The following MIA2 variants were observed in gnomAD, a reference collection of about 807,000 sequenced individuals.
The protein encoded by MIA2 is MIA SH3 domain ER export factor 2.
Under a neutral mutation model 167.8 loss-of-function variants are expected in MIA2, and 127 were observed. The observed-to-expected ratio is 0.76, with a 90% CI of 0.66 to 0.88. MIA2 has a LOEUF of 0.88. Among genes scored for constraint, MIA2 ranks in the 40% least tolerant of loss-of-function variants. The pLI is 0.00. For synonymous variants in MIA2, 552 were observed against 541.9 expected, an observed-to-expected ratio of 1.02 and a Z score of -0.26; for missense variants, 1,690 against 1,624.7, an observed-to-expected ratio of 1.04 and a Z score of -0.69.
Position 39,234,048 on chromosome 14 carries a change from C to G in MIA2, c.-67C>G. The G allele has an allele frequency of 5.2e-6, 5 of 958,402 alleles. No individual in the cohort carries two copies. The highest frequency in any genetic ancestry group is 7.9e-6 in the Non-Finnish European group (5 of 631,056). The allele number at this position is 958,402 out of a possible 1,614,324, so 59.4% of individuals were successfully genotyped here. On this transcript the variant is annotated 5_prime_UTR_variant, in exon 1 of 29. Transcript: ENST00000640607. ...GAGAGTAGAATATCTCCAGTTTTGG[C>G]TGACATCTCTACAACCTGAACAATT...
At chr14:39,305,142 T>G (rs1448345862) in intron 17 of MIA2, among the ~76,000 whole-genome samples, 4 of 152,198 alleles carry the variant, frequency 2.6e-5, no homozygotes, top group African/African-American at 9.6e-5. Flanking sequence ...TATAATACTG[T>G]TTTAAAAGAT....
Position 39,319,285 on chromosome 14 carries a change from G to T in MIA2, c.3361G>T (p.Gly1121Cys). 1 of 1,516,656 alleles carries T rather than the reference G, an allele frequency of 6.6e-7. No individual in the cohort carries two copies. Among genetic ancestry groups the T allele is most frequent in the Non-Finnish European group, 8.8e-7 (1 of 1,132,466 alleles). The allele number at this position is 1,516,656 out of a possible 1,614,324, so 93.9% of individuals were successfully genotyped here. A position where few individuals can be genotyped will look rare whatever the true frequency, so the allele number is the denominator to read the frequency against. ...ACTCGATGTTCCAAATACAGCATTT[G>T]GCAGAGGTAGTCTTTTTTTTTTTAC... is the stretch of plus-strand genomic sequence containing the variant. Reference protein sequence around the residue: ...YALDVPNTAFGREHSPYGPSP... With the variant: ...YALDVPNTAFCREHSPYGPSP... The change falls in exon 23 of 29, where the codon GGC becomes TGC. Residue 1121 changes from glycine to cysteine, a missense_variant. By Grantham distance (159) the Gly-to-Cys change is radical. Transcript: ENST00000640607.
At chr14:39,276,806 G>C in intron 6 of MIA2, 128 bp from the exon 7 acceptor site, 2 of 930,098 alleles carry the variant, frequency 2.2e-6, no homozygotes, top group Non-Finnish European at 3.2e-6. Flanking sequence ...AATGTACTCT[G>C]ATACTTTCTG....
intron 9 of MIA2, among the ~76,000 whole-genome samples, chr14:39,284,759 A>C (rs183380594): frequency 1.6e-3 from 207 of 128,402 alleles, no homozygotes; most frequent in Non-Finnish European, 2.1e-3. Context: ...TCTTTTTTTT[A>C]TTTTTTTTTT....
At chr14:39,298,443 A>ATATATATATATATATGTATGT (rs1372100362) in intron 13 of MIA2, among the ~76,000 whole-genome samples, 6 of 50,054 alleles carry the variant, frequency 1.2e-4, no homozygotes, top group African/African-American at 9.4e-5. Flanking sequence ...ATATATATAT[A>ATATATATATATATATGTATGT]AAGATTAGTT....
At chr14:39,236,823 T>C in intron 1 of MIA2, 99 bp from the exon 2 acceptor site, 3 of 1,146,364 alleles carry the variant, frequency 2.6e-6, no homozygotes, top group Non-Finnish European at 3.6e-6. Context: ...AAATTAGCAT[T>C]TGGAAACATA....
intron 23 of MIA2, among the ~76,000 whole-genome samples, chr14:39,320,333 G>A (rs1334869791): frequency 6.6e-6 from 1 of 152,222 alleles, no homozygotes; most frequent in Middle Eastern, 3.4e-3. Context: ...AGGTGTCTTG[G>A]CTGTATAGAT....
Position 39,348,993 on chromosome 14 carries a change from C to A in MIA2, c.4072+16C>A. ...CCATTTGCAAGTATGCTTTTTTAAA[C>A]TTTTTTTTTAAAGCTCAATATGTGG... On this transcript the variant is annotated intron_variant, in intron 28 of 28. Coordinates refer to ENST00000640607, the MANE Select transcript of MIA2 (RefSeq NM_001329214.4). 1 of 1,583,144 alleles carries A rather than the reference C, an allele frequency of 6.3e-7. No homozygotes were observed. Among genetic ancestry groups the A allele is most frequent in the Non-Finnish European group, 8.7e-7 (1 of 1,154,646 alleles).
rs1410251627 is a variant in MIA2, at chr14:39,348,913, T to A, written c.4008T>A (p.Phe1336Leu). 1 of 1,614,142 alleles carries A rather than the reference T, an allele frequency of 6.2e-7. No individual in the cohort carries two copies. The highest frequency in any genetic ancestry group is 2.2e-5 in the East Asian group (1 of 44,892). Residue 1336 changes from phenylalanine to leucine, a missense_variant, in exon 28 of 29, where the codon TTT becomes TTA. By Grantham distance (22) the Phe-to-Leu change is conservative. Coordinates refer to ENST00000640607, the MANE Select transcript of MIA2 (RefSeq NM_001329214.4). ...PFPPPPPGAM[F>L]GASRDYFPPG... ...CCCCACCTCCTCCAGGAGCCATGTT[T>A]GGAGCTTCTCGAGATTATTTTCCAC...
intron 6 of MIA2, among the ~76,000 whole-genome samples, chr14:39,257,921 T>G (rs775662546): frequency 6.6e-6 from 1 of 152,252 alleles, no homozygotes; most frequent in Non-Finnish European, 1.5e-5. Flanking sequence ...CCCCACTCTC[T>G]TCTGGCTTAT....
In MIA2 at chr14:39,263,227, G is replaced by T. The variant is rs551002744; in HGVS notation, c.1887+10056G>T. Among the ~76,000 whole-genome samples, 4 of 152,004 alleles carry T rather than the reference G, an allele frequency of 2.6e-5. No homozygotes were observed. In the East Asian group the frequency reaches 5.8e-4, roughly 22 times the overall value. On this transcript the variant is annotated intron_variant, in intron 6 of 28. Transcript: ENST00000640607. ...TTTATTGAGAGTTTTTAGCATGAAG[G>T]GCTGTTGAATTTTGTCGAAGGCCTT...
At chr14:39,279,263 G>A in intron 7 of MIA2, 74 bp from the exon 8 acceptor site, 1 of 1,285,146 alleles carries the variant, frequency 7.8e-7, no homozygotes, top group Non-Finnish European at 1.1e-6. Flanking sequence ...TAAGTTGGCA[G>A]TAGACGTTAA....
intron 6 of MIA2, chr14:39,265,595 G>A (rs1359535429): frequency 1.8e-6 from 1 of 554,984 alleles, no homozygotes; most frequent in East Asian, 3.3e-5. Context: ...ACTGAAAATT[G>A]GAGAGGGACA....
chr14:39,266,153 G>A lies in MIA2; in HGVS notation c.1888-10781G>A, dbSNP rs181759400. ...TTTGTTCATCTATTGAGTTCTTTTG[G>A]GTGATTTGTTTAGGAGGAAGTATCT... On this transcript the variant is annotated intron_variant, in intron 6 of 28. Transcript: ENST00000640607. The A allele has an allele frequency of 4.8e-5, 47 of 985,350 alleles. No homozygotes were observed. The East Asian group carries it at 4.1e-3, about 86-fold the overall frequency. The allele number at this position is 985,350 out of a possible 1,614,324, so 61.0% of individuals were successfully genotyped here. A position where few individuals can be genotyped will look rare whatever the true frequency, so the allele number is the denominator to read the frequency against.
intron 18 of MIA2, 54 bp from the exon 19 acceptor site, chr14:39,313,286 A>G: frequency 2.3e-6 from 2 of 883,920 alleles, no homozygotes; most frequent in East Asian, 5.5e-5. Context: ...AAAATATAGA[A>G]TTGATTATCT....
chr14:39,280,120 A>G (rs1007235864), intron 9 of MIA2, among the ~76,000 whole-genome samples: 6 of 152,116 alleles, frequency 3.9e-5, no homozygotes, highest in African/African-American at 1.2e-4. Context: ...TGGAAGGACC[A>G]TCTTTTCTCT....
intron 23 of MIA2, among the ~76,000 whole-genome samples, chr14:39,365,027 T>C (rs2074788040): frequency 6.6e-6 from 1 of 152,078 alleles, no homozygotes; most frequent in Non-Finnish European, 1.5e-5. Context: ...TATTATTTTA[T>C]TAAATAGGTT....
intron 6 of MIA2, chr14:39,265,269 G>A (rs17693279): frequency 0.053 from 40,139 of 761,202 alleles, 1,352 homozygotes; most frequent in South Asian, 0.099. Flanking sequence ...ATGTCAAAAC[G>A]GGATCACAGT....
rs1595101910 is a variant in MIA2 at position 39,288,464 on chromosome 14, T to G, written c.2131-2555T>G. Among the ~76,000 whole-genome samples, 6 of 30,404 alleles carry G rather than the reference T, an allele frequency of 2.0e-4. 1 individual carries two copies. The highest frequency in any genetic ancestry group is 8.8e-4 in the East Asian group (1 of 1,130). 19.9% of individuals were successfully genotyped at this position (30,404 alleles called of 152,430 possible). A position where few individuals can be genotyped will look rare whatever the true frequency, so the allele number is the denominator to read the frequency against. On this transcript the variant is annotated intron_variant, in intron 9 of 28. Coordinates refer to ENST00000640607, the MANE Select transcript of MIA2 (RefSeq NM_001329214.4). ...ATATATATATATATATATATATATA[T>G]ATATATATATATTTTTTTTTTTTTT...
Sources: allele counts gnomAD v4.1 joint callset (sites outside exome capture counted in the v4.1 genomes callset), GRCh38; gene constraint gnomAD v4.1.1; transcripts MANE v1.5; gene names NCBI Gene and HGNC (gene_info 2026-07-23, HGNC 2026-07-21).